The following GPLD1 variants were observed in gnomAD, a reference collection of about 807,000 sequenced individuals.
GPLD1 encodes the protein glycosylphosphatidylinositol specific phospholipase D1, also known as phosphatidylinositol-glycan-specific phospholipase D.
A neutral mutation model predicts 112.6 loss-of-function variants in GPLD1; 84 were observed. The ratio of observed to expected loss-of-function variants is 0.75; its 90% CI spans 0.63 to 0.89. The LOEUF (loss-of-function observed/expected upper bound fraction) is 0.89, where lower values mean the gene tolerates loss of function less well. Ranked by LOEUF, GPLD1 falls within the 40% of genes least tolerant of loss-of-function variation. The pLI is 0.00. For missense variants in GPLD1, 1,044 were observed against 1,051.5 expected (o/e 0.99, Z 0.10); for synonymous variants, 386 against 403.8 (o/e 0.96, Z 0.53).
At chr6:24,480,734 C>T (rs1477059722) in intron 2 of GPLD1, among the ~76,000 whole-genome samples, 1 of 152,160 alleles carries the variant, frequency 6.6e-6, no homozygotes, top group East Asian at 1.9e-4. Flanking sequence ...CTTCCTTGGT[C>T]AACTGGCTCA....
chr6:24,467,394 T>G, intron 7 of GPLD1, 120 bp from the exon 8 acceptor site: 2 of 649,350 alleles, frequency 3.1e-6, no homozygotes, highest in Admixed American at 5.2e-5. Context: ...TGTAAAAGTC[T>G]TTACATGCAC....
chr6:24,438,433 G>A (rs1032715341), intron 20 of GPLD1, among the ~76,000 whole-genome samples: 6 of 152,170 alleles, frequency 3.9e-5, no homozygotes, highest in Non-Finnish European at 8.8e-5. Context: ...AAGTGTCAGT[G>A]CGTGGATACA....
chr6:24,489,335 G>T, intron 1 of GPLD1, 80 bp downstream of exon 1: 1 of 1,059,198 alleles, frequency 9.4e-7, no homozygotes, highest in Non-Finnish European at 1.4e-6. Context: ...CAATCCACGA[G>T]CGGGATTTTC....
At chr6:24,438,247 A>G (rs987687881) in intron 20 of GPLD1, among the ~76,000 whole-genome samples, 9 of 152,244 alleles carry the variant, frequency 5.9e-5, no homozygotes, top group African/African-American at 1.9e-4. Context: ...GGTTCTGTAC[A>G]AGTATTCAAT....
intron 15 of GPLD1, among the ~76,000 whole-genome samples, chr6:24,448,802 A>G (rs1762992199): frequency 6.6e-6 from 1 of 152,088 alleles, no homozygotes; most frequent in Admixed American, 6.6e-5. Flanking sequence ...CTGCCTGAGG[A>G]TACACACTGT....
rs114414334 is a variant in GPLD1, at chr6:24,437,261, G to C, written c.2049C>G (p.Thr683=). 2 of 1,614,000 alleles carry C rather than the reference G, an allele frequency of 1.2e-6. No homozygotes were observed. Among genetic ancestry groups the C allele is most frequent in the South Asian group, 2.2e-5 (2 of 91,070 alleles). Residue 683 remains threonine (T), a synonymous_variant, in exon 21 of 25, where the codon ACC becomes ACG. Coordinates refer to ENST00000230036, the MANE Select transcript of GPLD1 (RefSeq NM_001503.4). The part of the protein sequence containing the change: ...YDDVSKVAFL[T]VTLHQGGATR... ...TGGCTCCGCCTTGGTGTAGGGTCAC[G>C]GTCAGGAATGCCACCTTAGACACGT...
intron 7 of GPLD1, among the ~76,000 whole-genome samples, chr6:24,471,470 A>C: frequency 6.6e-6 from 1 of 152,318 alleles, no homozygotes; most frequent in South Asian, 2.1e-4. Flanking sequence ...CTCAAAAAAA[A>C]AGACAGAAAG....
chr6:24,451,433 G>A (rs1397064734), intron 14 of GPLD1, among the ~76,000 whole-genome samples: 1 of 152,076 alleles, frequency 6.6e-6, no homozygotes, highest in Non-Finnish European at 1.5e-5. Context: ...CCGCCTCCTG[G>A]GTTCAAGCGA....
rs1236871215 is a variant in GPLD1 at position 24,449,772 on chromosome 6, T to A, written c.1446+17A>T. ...GCCACCCCATTCTCCTCCAACCCTATCCAGCAGCAGCCTTACTTTGTAGGT... is the reference window on the plus strand; with the variant it reads ...GCCACCCCATTCTCCTCCAACCCTAACCAGCAGCAGCCTTACTTTGTAGGT... On this transcript the variant is annotated intron_variant, in intron 15 of 24. Transcript: ENST00000230036. 1.3e-6 allele frequency: 2 copies of A among 1,563,712 alleles called. No individual in the cohort carries two copies. The highest frequency in any genetic ancestry group is 8.8e-7 in the Non-Finnish European group (1 of 1,137,062).
intron 7 of GPLD1, among the ~76,000 whole-genome samples, chr6:24,467,630 T>C (rs1386393349): frequency 6.6e-6 from 1 of 152,182 alleles, no homozygotes; most frequent in Non-Finnish European, 1.5e-5. Flanking sequence ...GTTCAAGAAG[T>C]AATTTAAAGT....
At chr6:24,470,414 T>C (rs1763761139) in intron 7 of GPLD1, among the ~76,000 whole-genome samples, 1 of 152,166 alleles carries the variant, frequency 6.6e-6, no homozygotes, top group Non-Finnish European at 1.5e-5. Flanking sequence ...TCAAAATCTA[T>C]ATAGCAAAGC....
intron 8 of GPLD1, 57 bp downstream of exon 8, chr6:24,467,110 T>C (rs1398533406): frequency 5.9e-5 from 69 of 1,169,714 alleles, no homozygotes; most frequent in Non-Finnish European, 8.7e-5. Context: ...ACATAAAAAC[T>C]GTGCAAAGGA....
At chr6:24,469,838 AGTAGGTTTCTTTT>A (rs2127357339) in intron 7 of GPLD1, among the ~76,000 whole-genome samples, 1 of 152,340 alleles carries the variant, frequency 6.6e-6, no homozygotes, top group South Asian at 2.1e-4. Context: ...ATCTAACTTT[AGTAGGTTTCTTTT>A]AGTAGGTAAA....
At chr6:24,483,264 G>A (rs144939313) in intron 2 of GPLD1, among the ~76,000 whole-genome samples, 9,187 of 151,856 alleles carry the variant, frequency 0.06, 821 homozygotes, top group African/African-American at 0.2. Context: ...GGAGGTGGAG[G>A]TTGCAGTGAG....
intron 3 of GPLD1, among the ~76,000 whole-genome samples, chr6:24,477,548 A>G (rs2760151): frequency 0.49 from 73,720 of 151,272 alleles, 18,533 homozygotes; most frequent in African/African-American, 0.59. Context: ...GCAAGACCAC[A>G]TCTCTACAAA....
intron 14 of GPLD1, among the ~76,000 whole-genome samples, chr6:24,452,759 G>A (rs899816755): frequency 1.4e-5 from 2 of 143,554 alleles, no homozygotes; most frequent in East Asian, 2.1e-4. Flanking sequence ...CTGGGCAACA[G>A]TGAGAGTTTA....
Position 24,494,894 on chromosome 6 carries a change from G to A in GPLD1, n.239+73C>T, listed in dbSNP as rs561305345. 248 of 1,186,510 alleles carry A rather than the reference G, an allele frequency of 2.1e-4. No homozygotes were observed. The African/African-American group carries it at 3.3e-3, about 16-fold the overall frequency. 73.5% of individuals were successfully genotyped at this position (1,186,510 alleles called of 1,614,324 possible). ...CCGCCAGCTCCCACGCTTTCCCCGC[G>A]CGTCCCCGGCGCCTCCTCGCTCCTC... On this transcript the variant is annotated intron_variant and non_coding_transcript_variant, in intron 1 of 10. Coordinates refer to the GPLD1 transcript ENST00000474784.
At position 24,462,762 on chromosome 6, in the gene GPLD1, A is replaced by G; in HGVS notation, c.855T>C (p.Ile285=). The change falls in exon 11 of 25, where the codon ATT becomes ATC. Residue 285 remains isoleucine, a synonymous_variant. Coordinates refer to ENST00000230036, the MANE Select transcript of GPLD1 (RefSeq NM_001503.4). ...DCNLPENPLF[I]ACGGQQNHTQ... ...TGTGGTTTTGCTGGCCGCCACATGC[A>G]ATGAACAGAGGGTTCTCAGGCAGGT... The G allele has an allele frequency of 4.3e-6, 7 of 1,613,650 alleles. No individual in the cohort carries two copies. The highest frequency in any genetic ancestry group is 5.9e-6 in the Non-Finnish European group (7 of 1,179,504).
chr6:24,470,157 T>A (rs1020178953), intron 7 of GPLD1, among the ~76,000 whole-genome samples: 1 of 151,854 alleles, frequency 6.6e-6, no homozygotes, highest in Non-Finnish European at 1.5e-5. Context: ...TGAGATGGAG[T>A]TGGAGTCTCA....
Sources: allele counts gnomAD v4.1 joint callset (sites outside exome capture counted in the v4.1 genomes callset), GRCh38; gene constraint gnomAD v4.1.1; transcripts MANE v1.5; gene names NCBI Gene and HGNC (gene_info 2026-07-23, HGNC 2026-07-21).